Variants in TRDN observed in about 807,000 individuals in gnomAD.
The protein encoded by TRDN is triadin.
A neutral mutation model predicts 149.7 loss-of-function variants in TRDN; 161 were observed. That is an observed-to-expected ratio of 1.08 (90% CI 0.95 to 1.23). The LOEUF (loss-of-function observed/expected upper bound fraction) is 1.23. Among genes scored for constraint, TRDN ranks in the 50% most tolerant of loss-of-function variants. The pLI, the probability that TRDN is intolerant of heterozygous loss-of-function variation, is 0.00. For missense variants in TRDN, 896 were observed against 823.5 expected (o/e 1.09, Z -1.08); for synonymous variants, 294 against 250.5 (o/e 1.17, Z -1.64).
At chr6:123,569,711 A>G (rs1782464188) in intron 2 of TRDN, among the ~76,000 whole-genome samples, 1 of 152,062 alleles carries the variant, frequency 6.6e-6, no homozygotes, top group Non-Finnish European at 1.5e-5. Context: ...GAAGAGGGAG[A>G]GAGTGGAGCA....
intron 21 of TRDN, among the ~76,000 whole-genome samples, chr6:123,339,011 T>G (rs1437040891): frequency 2.0e-5 from 3 of 151,786 alleles, no homozygotes; most frequent in Non-Finnish European, 4.4e-5. Context: ...TATTAGGGGT[T>G]TTTTTTTGTT....
chr6:123,397,018 T>C (rs1772757063), intron 12 of TRDN, among the ~76,000 whole-genome samples: 2 of 151,236 alleles, frequency 1.3e-5, no homozygotes, highest in African/African-American at 4.9e-5. Context: ...ACCCACATCT[T>C]ACATGTTTTT....
intron 10 of TRDN, chr6:123,462,666 C>G (rs1407651662): frequency 1.3e-5 from 2 of 152,022 alleles, no homozygotes; most frequent in Non-Finnish European, 2.9e-5. Flanking sequence ...ACTTTAGTGC[C>G]ACATGAAAGT....
At chr6:123,224,219 C>T in intron 38 of TRDN, 88 bp from the exon 39 acceptor site, 5 of 1,267,838 alleles carry the variant, frequency 3.9e-6, no homozygotes, top group Non-Finnish European at 5.7e-6. Context: ...TTTTAAGAGT[C>T]ACAAGATCCC....
intron 24 of TRDN, among the ~76,000 whole-genome samples, chr6:123,288,990 A>G (rs1777897832): frequency 2.0e-5 from 3 of 150,240 alleles, no homozygotes; most frequent in African/African-American, 7.3e-5. Context: ...GTCCATCAAC[A>G]AATATATGGA....
At chr6:123,419,777 T>C (rs1205251475) in intron 12 of TRDN, among the ~76,000 whole-genome samples, 2 of 152,226 alleles carry the variant, frequency 1.3e-5, no homozygotes, top group African/African-American at 4.8e-5. Context: ...TATGTCACCT[T>C]AACCTTGGGT....
At chr6:123,554,972 A>G (rs1038666411) in intron 2 of TRDN, among the ~76,000 whole-genome samples, 1 of 152,166 alleles carries the variant, frequency 6.6e-6, no homozygotes, top group Non-Finnish European at 1.5e-5. Context: ...AGCAGAATCC[A>G]TTGGAAACAA....
At chr6:123,220,996 C>T (rs910650988) in intron 40 of TRDN, among the ~76,000 whole-genome samples, 29 of 151,724 alleles carry the variant, frequency 1.9e-4, no homozygotes, top group African/African-American at 6.5e-4. Context: ...TGATTGGATT[C>T]TAAAATAAAT....
chr6:123,357,745 TTG>T (rs2114323381), intron 20 of TRDN, among the ~76,000 whole-genome samples: 1 of 152,292 alleles, frequency 6.6e-6, no homozygotes, highest in South Asian at 2.1e-4. Context: ...GTTATTTTAA[TTG>T]AATCCCCTGA....
At chr6:123,387,131 A>G (rs932691745) in intron 14 of TRDN, among the ~76,000 whole-genome samples, 2 of 152,142 alleles carry the variant, frequency 1.3e-5, no homozygotes, top group Admixed American at 1.3e-4. Flanking sequence ...TCTGTTGACT[A>G]TTTTGGAAAG....
intron 1 of TRDN, among the ~76,000 whole-genome samples, chr6:123,587,723 G>A (rs138902796): frequency 1.7e-3 from 251 of 151,824 alleles, no homozygotes; most frequent in African/African-American, 5.9e-3. Flanking sequence ...AGGGAGATAG[G>A]GGTGGAGCTG....
At position 123,548,503 on chromosome 6, in the gene TRDN, G is replaced by T; in HGVS notation, c.342C>A (p.Ile114=). The T allele has an allele frequency of 6.3e-7, 1 of 1,578,112 alleles. No homozygotes were observed. Among genetic ancestry groups the T allele is most frequent in the Non-Finnish European group, 8.6e-7 (1 of 1,161,114 alleles). The change falls in exon 3 of 41, where the codon ATC becomes ATA. Residue 114 remains isoleucine, a synonymous_variant. Transcript: ENST00000334268. ...YGFFSLLSDI[I]SSEDEEDDDG... ...CATCATCTTCTTCATCTTCAGATGA[G>T]ATGATGTCAGATAACAAAGAAAAGA...
chr6:123,332,605 T>C (rs1490016924), intron 22 of TRDN, among the ~76,000 whole-genome samples: 1 of 152,114 alleles, frequency 6.6e-6, no homozygotes, highest in Admixed American at 6.6e-5. Context: ...CATCATTATA[T>C]TCAACAGCCT....
chr6:123,378,443 C>T (rs1286580464), intron 16 of TRDN, among the ~76,000 whole-genome samples: 1 of 142,030 alleles, frequency 7.0e-6, no homozygotes, highest in Non-Finnish European at 1.5e-5. Context: ...CCATGTGTAG[C>T]CAGATTTGTA....
chr6:123,557,813 C>T (rs1198757245), intron 2 of TRDN, among the ~76,000 whole-genome samples: 1 of 151,466 alleles, frequency 6.6e-6, no homozygotes, highest in African/African-American at 2.4e-5. Flanking sequence ...ACCCCCCCCA[C>T]CCCTTCTCTC....
chr6:123,468,247 T>C (rs1776948348), intron 9 of TRDN, among the ~76,000 whole-genome samples: 1 of 152,164 alleles, frequency 6.6e-6, no homozygotes, highest in Non-Finnish European at 1.5e-5. Flanking sequence ...TCCTGAAGAT[T>C]GTTATTCTCT....
intron 24 of TRDN, among the ~76,000 whole-genome samples, chr6:123,299,991 C>A (rs1270063606): frequency 6.6e-6 from 1 of 152,082 alleles, no homozygotes; most frequent in African/African-American, 2.4e-5. Flanking sequence ...GAAACAGAAT[C>A]CTTTCTAATA....
chr6:123,502,614 A>C (rs998871279), intron 8 of TRDN: 4 of 984,832 alleles, frequency 4.1e-6, no homozygotes, highest in Non-Finnish European at 4.8e-6. Context: ...GTACGAGTGC[A>C]TTGCAAATTT....
intron 24 of TRDN, among the ~76,000 whole-genome samples, chr6:123,291,470 C>A (rs552443856): frequency 1.3e-5 from 2 of 151,996 alleles, no homozygotes; most frequent in African/African-American, 4.8e-5. Context: ...GAGGCTGAGG[C>A]AGGAGAATGG....
Sources: allele counts gnomAD v4.1 joint callset (sites outside exome capture counted in the v4.1 genomes callset), GRCh38; gene constraint gnomAD v4.1.1; transcripts MANE v1.5; gene names NCBI Gene and HGNC (gene_info 2026-07-23, HGNC 2026-07-21).